The following PARP9 variants were observed in gnomAD, a reference collection of about 807,000 sequenced individuals.
PARP9 encodes the protein poly(ADP-ribose) polymerase family member 9.
A neutral mutation model predicts 68.8 loss-of-function variants in PARP9; 48 were observed. The ratio of observed to expected loss-of-function variants is 0.70; its 90% CI spans 0.55 to 0.89. The LOEUF is 0.89. Among genes scored for constraint, PARP9 ranks in the 40% least tolerant of loss-of-function variants. PARP9 has a pLI of 0.00. For missense variants in PARP9, 806 were observed against 969.3 expected (o/e 0.83, Z 2.24); for synonymous variants, 309 against 333.8 (o/e 0.93, Z 0.81).
chr3:122,544,442 C>T (rs1028368467), intron 7 of PARP9, among the ~76,000 whole-genome samples: 8 of 152,106 alleles, frequency 5.3e-5, no homozygotes, highest in Admixed American at 4.6e-4. Flanking sequence ...TCATAAAAGG[C>T]ACAGTTCCAG....
intron 6 of PARP9, among the ~76,000 whole-genome samples, chr3:122,546,954 C>T (rs1368346905): frequency 7.6e-6 from 1 of 132,078 alleles, no homozygotes; most frequent in Non-Finnish European, 1.6e-5. Context: ...GCCTGACAGA[C>T]ACAATACATG....
chr3:122,536,033 T>C, intron 10 of PARP9, 135 bp downstream of exon 10: 1 of 1,548,352 alleles, frequency 6.5e-7, no homozygotes, highest in East Asian at 2.3e-5. Flanking sequence ...ACCTGGGTCA[T>C]CATTTGTGAC....
intron 10 of PARP9, among the ~76,000 whole-genome samples, chr3:122,529,586 T>TA (rs1161426519): frequency 5.3e-5 from 8 of 150,390 alleles, no homozygotes; most frequent in African/African-American, 1.5e-4. Flanking sequence ...CCGTCTCTAC[T>TA]AAAAAAAATA....
At chr3:122,548,471 AC>A (rs2078938776) in intron 6 of PARP9, among the ~76,000 whole-genome samples, 1 of 152,010 alleles carries the variant, frequency 6.6e-6, no homozygotes, top group Non-Finnish European at 1.5e-5. Context: ...TATCTTGAAA[AC>A]CTATTTTAGG....
At chr3:122,541,092 G>A (rs2078190614) in intron 7 of PARP9, among the ~76,000 whole-genome samples, 1 of 152,108 alleles carries the variant, frequency 6.6e-6, no homozygotes, top group Non-Finnish European at 1.5e-5. Context: ...GGGTTTCACC[G>A]TGTTAGCCGG....
intron 6 of PARP9, among the ~76,000 whole-genome samples, chr3:122,548,314 G>A (rs1026142336): frequency 6.6e-6 from 1 of 152,182 alleles, no homozygotes; most frequent in African/African-American, 2.4e-5. Flanking sequence ...AGGCCAAGAG[G>A]TGGGAATATG....
At chr3:122,563,767 C>T (rs1367300902) in intron 1 of PARP9, among the ~76,000 whole-genome samples, 1 of 152,016 alleles carries the variant, frequency 6.6e-6, no homozygotes, top group East Asian at 1.9e-4. Flanking sequence ...TGAAACTTCC[C>T]CTTGGAGGCC....
upstream of PARP9, chr3:122,564,496 A>C (rs768743276): frequency 6.2e-7 from 1 of 1,612,828 alleles, no homozygotes; most frequent in African/African-American, 1.3e-5. Flanking sequence ...CCGAGTACGA[A>C]GGAAGCTGGA....
Position 122,528,215 on chromosome 3 carries a change from T to A in PARP9, c.*149A>T. ...AAGACAGATAAAGGCACTAAGATGCTAGTATGTGGCTAGTCCTTTCAATAA... is the reference window on the plus strand; with the variant it reads ...AAGACAGATAAAGGCACTAAGATGCAAGTATGTGGCTAGTCCTTTCAATAA... On this transcript the variant is annotated 3_prime_UTR_variant, in exon 11 of 11. Coordinates refer to ENST00000682323, the MANE Select transcript of PARP9 (RefSeq NM_001146105.2). The A allele has an allele frequency of 1.0e-6, 1 of 995,414 alleles. No individual in the cohort carries two copies. The highest frequency in any genetic ancestry group is 1.5e-6 in the Non-Finnish European group (1 of 680,580). The allele number at this position is 995,414 out of a possible 1,614,324, so 61.7% of individuals were successfully genotyped here.
chr3:122,528,400 A>T lies in PARP9; in HGVS notation c.2424T>A (p.Pro808=). ...SGPMRPFAQH[P]WRGFASGSPV... ...GGCTGCCACTTGCGAATCCCCTCCA[A>T]GGATGCTGTGCAAAGGGTCTCATTG... The change falls in exon 11 of 11, where the codon CCT becomes CCA. Residue 808 remains proline, a synonymous_variant. Transcript: ENST00000682323. 1 of 1,614,142 alleles carries T rather than the reference A, an allele frequency of 6.2e-7. No homozygotes were observed. The highest frequency in any genetic ancestry group is 8.5e-7 in the Non-Finnish European group (1 of 1,179,988).
rs145948621 is a variant in PARP9 at position 122,540,891 on chromosome 3, G to GTTTTTTTTTTTTTTT, written c.1385-40_1385-39insAAAAAAAAAAAAAAA. On this transcript the variant is annotated intron_variant, in intron 7 of 10. Coordinates refer to ENST00000682323, the MANE Select transcript of PARP9 (RefSeq NM_001146105.2). ...AATAAGCAACCATGGAAGACTAGCAGTTTTTTGTTTTTTTTTTGAGATGGA... is the reference window on the plus strand; with the variant it reads ...AATAAGCAACCATGGAAGACTAGCAGTTTTTTTTTTTTTTTTTTTTTGTTTTTTTTTTGAGATGGA... 1.7e-6 allele frequency: 2 copies of GTTTTTTTTTTTTTTT among 1,185,870 alleles called. 1 individual carries two copies. The allele number at this position is 1,185,870 out of a possible 1,614,324, so 73.5% of individuals were successfully genotyped here. A position where few individuals can be genotyped will look rare whatever the true frequency, so the allele number is the denominator to read the frequency against.
At chr3:122,564,647 C>T, upstream of PARP9, 1 of 1,564,276 alleles carries the variant, frequency 6.4e-7, no homozygotes, top group Non-Finnish European at 8.6e-7. Flanking sequence ...CGAAAGCCCT[C>T]TGGGGGCCCG....
chr3:122,563,462 T>C (rs1475506113), intron 1 of PARP9, among the ~76,000 whole-genome samples: 2 of 152,252 alleles, frequency 1.3e-5, no homozygotes, highest in East Asian at 3.8e-4. Context: ...TGTTTCTTTA[T>C]CCTTTAAAAA....
intron 3 of PARP9, 134 bp downstream of exon 3, chr3:122,558,300 G>A: frequency 6.2e-7 from 1 of 1,606,964 alleles, no homozygotes; most frequent in Non-Finnish European, 8.5e-7. Flanking sequence ...CATGTGCGGG[G>A]GTCCCCACAA....
intron 5 of PARP9, 62 bp downstream of exon 5, chr3:122,552,356 T>TA: frequency 7.9e-7 from 1 of 1,259,384 alleles, no homozygotes; most frequent in Non-Finnish European, 1.1e-6. Context: ...GGAAATTTGT[T>TA]TAAAAAAAAA....
At chr3:122,528,948 A>G (rs7628259) in intron 10 of PARP9, among the ~76,000 whole-genome samples, 3,424 of 152,190 alleles carry the variant, frequency 0.022, 132 homozygotes, top group African/African-American at 0.076. Flanking sequence ...AATAACTTAC[A>G]TTCAAATATA....
chr3:122,534,144 A>G, intron 10 of PARP9: 5 of 854,206 alleles, frequency 5.9e-6, no homozygotes, highest in Non-Finnish European at 7.0e-6. Context: ...TCTTGAGTTG[A>G]AAGACTATAT....
chr3:122,556,817 C>T (rs969709767), intron 3 of PARP9, among the ~76,000 whole-genome samples: 1 of 151,872 alleles, frequency 6.6e-6, no homozygotes, highest in Admixed American at 6.6e-5. Context: ...GAGTATTTAT[C>T]CAACTTCTTT....
chr3:122,545,922 T>C, intron 6 of PARP9: 1 of 164,890 alleles, frequency 6.1e-6, no homozygotes, highest in Non-Finnish European at 1.3e-5. Context: ...AAATAATCTG[T>C]TTTATGTAAG....
Sources: allele counts gnomAD v4.1 joint callset (sites outside exome capture counted in the v4.1 genomes callset), GRCh38; gene constraint gnomAD v4.1.1; transcripts MANE v1.5; gene names NCBI Gene and HGNC (gene_info 2026-07-23, HGNC 2026-07-21).